AFG3L2: variants seen among roughly 807,000 people sequenced by gnomAD.
AFG3L2 encodes the protein mitochondrial inner membrane m-AAA protease component AFG3L2.
AFG3L2 carries 54 observed loss-of-function variants against 94.5 expected under a neutral mutation model. That is an observed-to-expected ratio of 0.57 (90% CI 0.46 to 0.72). AFG3L2 has a LOEUF of 0.72. AFG3L2 is among the 30% of genes least tolerant of loss of function. The pLI is 0.00. For missense variants in AFG3L2, 754 were observed against 994.9 expected (o/e 0.76, Z 3.26); for synonymous variants, 377 against 365.5 (o/e 1.03, Z -0.36).
intron 3 of AFG3L2, 114 bp from the exon 4 acceptor site, chr18:12,367,496 T>A: frequency 1.0e-6 from 1 of 972,110 alleles, no homozygotes; most frequent in Non-Finnish European, 1.6e-6. Flanking sequence ...CTGTGGCAAC[T>A]GATCAGTTAC....
At chr18:12,359,809 G>A in intron 7 of AFG3L2, 118 bp downstream of exon 7, 3 of 1,350,852 alleles carry the variant, frequency 2.2e-6, no homozygotes, top group Non-Finnish European at 3.1e-6. Context: ...TAAAAATCTG[G>A]CCAAACTGAT....
chr18:12,356,992 T>C (rs1908517316), intron 8 of AFG3L2, among the ~76,000 whole-genome samples, 161 bp from the exon 9 acceptor site: 1 of 152,240 alleles, frequency 6.6e-6, no homozygotes, highest in Non-Finnish European at 1.5e-5. Context: ...TTTATATTAG[T>C]AAGAATAAAA....
intron 8 of AFG3L2, 92 bp from the exon 9 acceptor site, chr18:12,356,923 C>T: frequency 1.5e-6 from 2 of 1,297,052 alleles, no homozygotes; most frequent in South Asian, 1.3e-5. Context: ...AACTCTGTCT[C>T]TAAATCTTAT....
intron 9 of AFG3L2, among the ~76,000 whole-genome samples, chr18:12,354,469 G>A (rs1227508903): frequency 1.3e-5 from 2 of 152,114 alleles, no homozygotes; most frequent in Non-Finnish European, 2.9e-5. Context: ...CTCAGGCCTT[G>A]TGGCAGGCAC....
intron 16 of AFG3L2, among the ~76,000 whole-genome samples, chr18:12,334,252 G>T (rs780216402): frequency 2.6e-5 from 4 of 152,234 alleles, no homozygotes; most frequent in Non-Finnish European, 5.9e-5. Context: ...AAACTGTCCA[G>T]TGTTTCAAGA....
intron 9 of AFG3L2, among the ~76,000 whole-genome samples, chr18:12,354,042 G>A (rs1908406603): frequency 6.6e-6 from 1 of 151,818 alleles, no homozygotes; most frequent in South Asian, 2.1e-4. Context: ...CCTGCAGTCA[G>A]GAAGAGGAGG....
chr18:12,377,211 G>C lies in AFG3L2; in HGVS notation c.-129C>G. The C allele has an allele frequency of 1.4e-6, 1 of 719,698 alleles. No individual in the cohort carries two copies. The highest frequency in any genetic ancestry group is 2.2e-6 in the Non-Finnish European group (1 of 451,596). The allele number at this position is 719,698 out of a possible 1,614,324, so 44.6% of individuals were successfully genotyped here. On this transcript the variant is annotated 5_prime_UTR_variant, in exon 1 of 17. Coordinates refer to ENST00000269143, the MANE Select transcript of AFG3L2 (RefSeq NM_006796.3). ...CAGCGAAGCGCGCCGGCGGCTCACG[G>C]AGGAGCCCAAGCTCTCAACGCGGCG...
intron 13 of AFG3L2, among the ~76,000 whole-genome samples, chr18:12,347,214 T>C (rs1908169094): frequency 6.6e-6 from 1 of 152,216 alleles, no homozygotes; most frequent in African/African-American, 2.4e-5. Flanking sequence ...TAAAAGTCTT[T>C]GAGCTTAACA....
At chr18:12,355,219 AAAAAG>A (rs1211409051) in intron 9 of AFG3L2, among the ~76,000 whole-genome samples, 20 of 152,206 alleles carry the variant, frequency 1.3e-4, no homozygotes, top group African/African-American at 4.3e-4. Flanking sequence ...AAAAAAAAAA[AAAAAG>A]AACTCTTACA....
At chr18:12,376,091 G>T (rs1362843361) in intron 1 of AFG3L2, among the ~76,000 whole-genome samples, 1 of 152,232 alleles carries the variant, frequency 6.6e-6, no homozygotes, top group African/African-American at 2.4e-5. Context: ...GCCTCCCTAA[G>T]TGCTGGGATC....
At chr18:12,372,405 G>A (rs1909019102) in intron 1 of AFG3L2, among the ~76,000 whole-genome samples, 1 of 152,340 alleles carries the variant, frequency 6.6e-6, no homozygotes, top group Non-Finnish European at 1.5e-5. Context: ...GGGTGAGGAT[G>A]TGAGAAACTG....
At chr18:12,337,819 T>TA (rs1320539034) in intron 15 of AFG3L2, among the ~76,000 whole-genome samples, 2 of 152,114 alleles carry the variant, frequency 1.3e-5, no homozygotes, top group Non-Finnish European at 2.9e-5. Context: ...GCCCAGGCTA[T>TA]AGTGCAGTGG....
chr18:12,351,569 G>A (rs985853429), intron 10 of AFG3L2, among the ~76,000 whole-genome samples, 156 bp from the exon 11 acceptor site: 6 of 147,578 alleles, frequency 4.1e-5, no homozygotes, highest in African/African-American at 7.5e-5. Flanking sequence ...TTTTTGAGAC[G>A]GAGTTTCACT....
Position 12,354,583 on chromosome 18 carries a change from C to T in AFG3L2, c.1165-1425G>A, listed in dbSNP as rs552269426. 5.9e-5 allele frequency among the ~76,000 whole-genome samples: 9 copies of T among 152,220 alleles called. No individual in the cohort carries two copies. In the South Asian group the frequency reaches 1.9e-3, roughly 32 times the overall value. ...GCTCTCGGTCTCTCAGTTCCCTGAC[C>T]ACCCCTTCATTCACCTTTTACTTCA... On this transcript the variant is annotated intron_variant, in intron 9 of 16. Coordinates refer to ENST00000269143, the MANE Select transcript of AFG3L2 (RefSeq NM_006796.3).
intron 9 of AFG3L2, among the ~76,000 whole-genome samples, chr18:12,356,434 G>C (rs1418136920): frequency 2.0e-5 from 3 of 152,222 alleles, no homozygotes; most frequent in Non-Finnish European, 4.4e-5. Flanking sequence ...TTACAGGCAT[G>C]AGCCACCGCG....
intron 5 of AFG3L2, among the ~76,000 whole-genome samples, chr18:12,366,433 CAG>C (rs1265105665): frequency 6.6e-6 from 1 of 152,168 alleles, no homozygotes; most frequent in African/African-American, 2.4e-5. Context: ...GCTCCGCAGA[CAG>C]AGAAATGGCA....
chr18:12,349,524 A>G (rs910899856), intron 12 of AFG3L2, among the ~76,000 whole-genome samples: 1 of 152,258 alleles, frequency 6.6e-6, no homozygotes, highest in Admixed American at 6.5e-5. Context: ...GGGTGGATCA[A>G]CAAGATGTGG....
At chr18:12,363,248 C>T (rs533985687) in intron 6 of AFG3L2, among the ~76,000 whole-genome samples, 3 of 152,228 alleles carry the variant, frequency 2.0e-5, no homozygotes, top group Non-Finnish European at 4.4e-5. Context: ...TCCAGAATTC[C>T]CTCAATGCAT....
At chr18:12,335,687 C>T (rs1289732347) in intron 16 of AFG3L2, among the ~76,000 whole-genome samples, 1 of 152,226 alleles carries the variant, frequency 6.6e-6, no homozygotes, top group Non-Finnish European at 1.5e-5. Context: ...CTCCACGCCG[C>T]ACACTCTTCC....
Sources: allele counts gnomAD v4.1 joint callset (sites outside exome capture counted in the v4.1 genomes callset), GRCh38; gene constraint gnomAD v4.1.1; transcripts MANE v1.5; gene names NCBI Gene and HGNC (gene_info 2026-07-23, HGNC 2026-07-21).